Variants in SLC28A2 observed in about 807,000 individuals in gnomAD.
SLC28A2 encodes solute carrier family 28 member 2.
A neutral mutation model predicts 72.9 loss-of-function variants in SLC28A2; 69 were observed. The ratio of observed to expected loss-of-function variants is 0.95; its 90% CI spans 0.78 to 1.16. The LOEUF (loss-of-function observed/expected upper bound fraction) is 1.16. Among genes scored for constraint, SLC28A2 ranks in the 50% most tolerant of loss-of-function variants. SLC28A2 has a pLI of 0.00. For synonymous variants in SLC28A2, 296 were observed against 294.1 expected (o/e 1.01, Z -0.07); for missense variants, 745 against 791.1 (o/e 0.94, Z 0.70).
rs751622097 is a variant in SLC28A2 at position 45,266,151 on chromosome 15, T to C, written c.932T>C (p.Phe311Ser). ...ACCCTGGCTGTGGCAGGAAACATCTTTGTGGGTATGGTAAGCACCTTGAGG... is the reference window on the plus strand; with the variant it reads ...ACCCTGGCTGTGGCAGGAAACATCTCTGTGGGTATGGTAAGCACCTTGAGG... ...TETLAVAGNI[F>S]VGMTEAPLLI... The change falls in exon 10 of 18, where the codon TTT (phenylalanine) becomes TCT (serine). Residue 311 changes from phenylalanine (F) to serine (S), a missense_variant. By Grantham distance (155) the Phe-to-Ser change is radical. Coordinates refer to ENST00000347644, the MANE Select transcript of SLC28A2 (RefSeq NM_004212.4). 68 of 1,612,710 alleles carry C rather than the reference T, an allele frequency of 4.2e-5. No individual in the cohort carries two copies. The highest frequency in any genetic ancestry group is 5.8e-5 in the Non-Finnish European group (68 of 1,178,712).
intron 12 of SLC28A2, 105 bp from the exon 13 acceptor site, chr15:45,268,105 C>G: frequency 8.9e-7 from 1 of 1,127,418 alleles, no homozygotes; most frequent in East Asian, 2.4e-5. Flanking sequence ...TCTACATTGG[C>G]CTTGCACCCT....
chr15:45,276,063 A>C lies in SLC28A2; in HGVS notation c.*550A>C, dbSNP rs1900747754. 1 of 152,076 alleles carries C rather than the reference A, an allele frequency of 6.6e-6. No homozygotes were observed. 9.4% of individuals were successfully genotyped at this position (152,076 alleles called of 1,614,324 possible). On this transcript the variant is annotated 3_prime_UTR_variant, in exon 18 of 18. Transcript: ENST00000347644. ...CCTCATGGGCCCTGCCTGAACTTTC[A>C]TTTGAAAAAATAAGTATTACTGTCC...
At position 45,276,531 on chromosome 15, in the gene SLC28A2, AAAAT is replaced by A. The variant is rs1462346400; in HGVS notation, c.*1022_*1025del. The A allele has an allele frequency of 1.0e-5, 1 of 98,576 alleles. No individual in the cohort carries two copies. The highest frequency in any genetic ancestry group is 2.7e-5 in the Non-Finnish European group (1 of 37,144). The allele number at this position is 98,576 out of a possible 1,614,324, so 6.1% of individuals were successfully genotyped here. A position where few individuals can be genotyped will look rare whatever the true frequency, so the allele number is the denominator to read the frequency against. On this transcript the variant is annotated 3_prime_UTR_variant, in exon 18 of 18. Transcript: ENST00000347644. ...TAAAATAAAGTGAAGCACCCACCAAAAAATAAAATAAATAAAATAAATAAATAAA... is the reference window on the plus strand; with the variant it reads ...TAAAATAAAGTGAAGCACCCACCAAAAAAATAAATAAAATAAATAAATAAA...
chr15:45,269,475 C>T lies in SLC28A2; in HGVS notation c.1506C>T (p.Tyr502=). Reference sequence around the variant, plus strand: ...TGGCTTATCAGCAACTGTCTCAATACAAGAACAAACGTCTCTCTGGAATGG... The same window carrying T: ...TGGCTTATCAGCAACTGTCTCAATATAAGAACAAACGTCTCTCTGGAATGG... ...EFVAYQQLSQ[Y]KNKRLSGMEE... The change falls in exon 14 of 18, where the codon TAC becomes TAT. Residue 502 remains tyrosine, a synonymous_variant. Coordinates refer to ENST00000347644, the MANE Select transcript of SLC28A2 (RefSeq NM_004212.4). 6.2e-7 allele frequency: 1 copy of T among 1,614,050 alleles called. No individual in the cohort carries two copies. Among genetic ancestry groups the T allele is most frequent in the Non-Finnish European group, 8.5e-7 (1 of 1,179,946 alleles).
intron 12 of SLC28A2, 130 bp downstream of exon 12, chr15:45,267,926 G>T: frequency 8.4e-7 from 1 of 1,186,520 alleles, no homozygotes; most frequent in Non-Finnish European, 1.2e-6. Flanking sequence ...CCTATCTCTG[G>T]TGCTTGCTAA....
rs919669485 is a variant in SLC28A2 at position 45,267,788 on chromosome 15, G to A, written c.1191G>A (p.Leu397=). 11 of 1,613,932 alleles carry A rather than the reference G, an allele frequency of 6.8e-6. No homozygotes were observed. Among genetic ancestry groups the A allele is most frequent in the Middle Eastern group, 1.6e-4 (1 of 6,078 alleles). Residue 397 remains leucine, a synonymous_variant, in exon 12 of 18, where the codon CTG becomes CTA. Transcript: ENST00000347644. The stretch of plus-strand genomic sequence containing the variant: ...TCAAGAGTGAGGAGGGGGTAAAGCT[G>A]CCCCGTGGGTGAGTCCAAGGAGGCA... The part of the protein sequence containing the change: ...SKFKSEEGVK[L]PRGKERNVLE...
chr15:45,277,706 T>C lies in SLC28A2; in HGVS notation c.*2193T>C, dbSNP rs921888848. On this transcript the variant is annotated 3_prime_UTR_variant, in exon 18 of 18. Transcript: ENST00000347644. ...CCTTAACGAGTTTGGGGTTTTCCTT[T>C]GGGGTGATGGGAATGTTTTGGAACG... The C allele has an allele frequency of 2.2e-5, 1 of 45,236 alleles. No individual in the cohort carries two copies. The highest frequency in any genetic ancestry group is 1.6e-4 in the Admixed American group (1 of 6,414). The allele number at this position is 45,236 out of a possible 1,614,324, so 2.8% of individuals were successfully genotyped here.
At chr15:45,272,130 C>A (rs1900591671) in intron 15 of SLC28A2, 165 bp from the exon 16 acceptor site, 1 of 601,596 alleles carries the variant, frequency 1.7e-6, no homozygotes, top group Admixed American at 2.9e-5. Flanking sequence ...AATGTATACA[C>A]ACACTTCTTA....
intron 3 of SLC28A2, 86 bp from the exon 4 acceptor site, chr15:45,261,929 G>C: frequency 1.1e-6 from 1 of 875,528 alleles, no homozygotes; most frequent in Non-Finnish European, 2.0e-6. Flanking sequence ...ATTCTGCCTT[G>C]TGTTAGGTAA....
At chr15:45,255,239 G>A (rs1213165231) in intron 3 of SLC28A2, 1 of 141,712 alleles carries the variant, frequency 7.1e-6, no homozygotes, top group Non-Finnish European at 1.5e-5. Context: ...CTAGGGGACA[G>A]AGTGAGACCG....
At chr15:45,270,054 GT>G in intron 14 of SLC28A2, 140 bp from the exon 15 acceptor site, 4 of 644,546 alleles carry the variant, frequency 6.2e-6, no homozygotes, top group Non-Finnish European at 8.3e-6. Context: ...GGGAACAGTT[GT>G]TTTCTGAGCA....
chr15:45,274,922 G>A (rs531152500), intron 17 of SLC28A2, among the ~76,000 whole-genome samples: 5 of 152,150 alleles, frequency 3.3e-5, no homozygotes, highest in Admixed American at 2.0e-4. Flanking sequence ...AGACATGGGC[G>A]TTCATCATGT....
At chr15:45,254,560 T>C (rs1413047799) in intron 3 of SLC28A2, among the ~76,000 whole-genome samples, 2 of 152,206 alleles carry the variant, frequency 1.3e-5, no homozygotes, top group Non-Finnish European at 2.9e-5. Context: ...CTATACCATC[T>C]AGGTTTGCAT....
intron 14 of SLC28A2, among the ~76,000 whole-genome samples, chr15:45,269,980 C>A (rs137940092): frequency 1.1e-3 from 174 of 152,310 alleles, no homozygotes; most frequent in Admixed American, 2.2e-3. Flanking sequence ...TAGCCTTCAA[C>A]AGGAACAGCG....
At chr15:45,254,417 TTA>T in intron 3 of SLC28A2, among the ~76,000 whole-genome samples, 1 of 152,324 alleles carries the variant, frequency 6.6e-6, no homozygotes, top group Non-Finnish European at 1.5e-5. Flanking sequence ...TTTTCTATGT[TTA>T]GATATGTTTA....
intron 10 of SLC28A2, among the ~76,000 whole-genome samples, 178 bp downstream of exon 10, chr15:45,266,339 G>C (rs1255129948): frequency 6.6e-6 from 1 of 152,192 alleles, no homozygotes; most frequent in Non-Finnish European, 1.5e-5. Context: ...TTCACCCTTT[G>C]CGCCTAATAA....
chr15:45,268,125 C>T lies in SLC28A2; in HGVS notation c.1200-85C>T, dbSNP rs532364067. On this transcript the variant is annotated intron_variant, in intron 12 of 17. Transcript: ENST00000347644. ...ATTGGCCTTGCACCCTCCTCCTGCACGATAGGGACAGTGGGATTTCTCTTC... is the reference window on the plus strand; with the variant it reads ...ATTGGCCTTGCACCCTCCTCCTGCATGATAGGGACAGTGGGATTTCTCTTC... 1.3e-4 allele frequency: 171 copies of T among 1,364,790 alleles called. 1 individual carries two copies. The highest frequency in any genetic ancestry group is 2.9e-4 in the African/African-American group (20 of 69,482). The allele number at this position is 1,364,790 out of a possible 1,614,324, so 84.5% of individuals were successfully genotyped here. A position where few individuals can be genotyped will look rare whatever the true frequency, so the allele number is the denominator to read the frequency against.
rs372043327 is a variant in SLC28A2, at chr15:45,272,233, T to C, written c.1649-62T>C. The C allele has an allele frequency of 7.5e-6, 10 of 1,339,818 alleles. No individual in the cohort carries two copies. The African/African-American group carries it at 1.3e-4, about 17-fold the overall frequency. The allele number at this position is 1,339,818 out of a possible 1,614,324, so 83.0% of individuals were successfully genotyped here. On this transcript the variant is annotated intron_variant, in intron 15 of 17. Coordinates refer to ENST00000347644, the MANE Select transcript of SLC28A2 (RefSeq NM_004212.4). Reference sequence around the variant, plus strand: ...CTGCGTTCTTCTAAGTGGGGGCCCATGGGATATACCTGATTGCCTTGGTGG... The same window carrying C: ...CTGCGTTCTTCTAAGTGGGGGCCCACGGGATATACCTGATTGCCTTGGTGG...
At chr15:45,267,612 G>A in intron 11 of SLC28A2, 32 bp downstream of exon 11, 3 of 1,614,096 alleles carry the variant, frequency 1.9e-6, no homozygotes, top group Non-Finnish European at 2.5e-6. Flanking sequence ...ACTCCTGGGT[G>A]AACTCGAGTT....
Sources: allele counts gnomAD v4.1 joint callset (sites outside exome capture counted in the v4.1 genomes callset), GRCh38; gene constraint gnomAD v4.1.1; transcripts MANE v1.5; gene names NCBI Gene and HGNC (gene_info 2026-07-23, HGNC 2026-07-21).